The following CRPPA variants were observed in gnomAD, a reference collection of about 807,000 sequenced individuals.
CRPPA encodes the protein D-ribitol-5-phosphate cytidylyltransferase.
In CRPPA, 43 loss-of-function variants were observed where a neutral mutation model predicts 52.0. The observed-to-expected ratio is 0.83, with a 90% CI of 0.65 to 1.07. CRPPA has a LOEUF of 1.07. Among genes scored for constraint, CRPPA ranks in the 50% least tolerant of loss-of-function variants. The pLI is 0.00. For synonymous variants in CRPPA, 250 were observed against 203.5 expected (o/e 1.23, Z -1.94); for missense variants, 629 against 551.7 (o/e 1.14, Z -1.40).
intron 9 of CRPPA, among the ~76,000 whole-genome samples, chr7:16,142,741 G>A (rs1782897646): frequency 1.3e-5 from 2 of 152,092 alleles, no homozygotes; most frequent in Non-Finnish European, 2.9e-5. Flanking sequence ...TTAAAATTCT[G>A]TCCTGTGTTA....
chr7:16,159,533 T>C (rs1334448292), intron 9 of CRPPA, among the ~76,000 whole-genome samples: 2 of 152,220 alleles, frequency 1.3e-5, no homozygotes, highest in African/African-American at 2.4e-5. Flanking sequence ...GCAAAGGACA[T>C]GAACTCATTC....
At chr7:16,143,801 A>G (rs1038658810) in intron 9 of CRPPA, among the ~76,000 whole-genome samples, 2 of 152,196 alleles carry the variant, frequency 1.3e-5, no homozygotes, top group Non-Finnish European at 1.5e-5. Context: ...CCATCTGGAA[A>G]AGTATGGCAG....
chr7:16,207,800 T>G (rs371536518), intron 9 of CRPPA, among the ~76,000 whole-genome samples: 2 of 152,342 alleles, frequency 1.3e-5, no homozygotes, highest in South Asian at 2.1e-4. Flanking sequence ...TTCATTGATA[T>G]AAGTAATAGA....
chr7:16,130,488 C>A (rs1179085881), intron 9 of CRPPA, among the ~76,000 whole-genome samples: 1 of 151,818 alleles, frequency 6.6e-6, no homozygotes, highest in Non-Finnish European at 1.5e-5. Flanking sequence ...GGAAAAATTT[C>A]ATTCCTCTGT....
intron 8 of CRPPA, among the ~76,000 whole-genome samples, chr7:16,237,790 A>G (rs957946891): frequency 2.6e-5 from 4 of 152,182 alleles, no homozygotes; most frequent in Admixed American, 6.5e-5. Flanking sequence ...ACACTTTACA[A>G]TCTGCCATTC....
Position 16,216,054 on chromosome 7 carries a change from C to G in CRPPA, c.1251+12G>C. 4 of 1,568,896 alleles carry G rather than the reference C, an allele frequency of 2.5e-6. No individual in the cohort carries two copies. Among genetic ancestry groups the G allele is most frequent in the Non-Finnish European group, 3.5e-6 (4 of 1,158,800 alleles). ...ACAGAACATACATTCGGAAGATAAA[C>G]ATTTTACCTACCTGTGGGTAAGATA... On this transcript the variant is annotated intron_variant, in intron 9 of 9. Transcript: ENST00000407010.
At chr7:16,307,099 T>C (rs1157927803) in intron 4 of CRPPA, among the ~76,000 whole-genome samples, 2 of 152,180 alleles carry the variant, frequency 1.3e-5, no homozygotes, top group African/African-American at 4.8e-5. Flanking sequence ...AATATGCTTA[T>C]AGACTCAATT....
intron 9 of CRPPA, among the ~76,000 whole-genome samples, chr7:16,125,320 G>T (rs900468422): frequency 2.6e-4 from 37 of 142,528 alleles, no homozygotes; most frequent in Non-Finnish European, 4.7e-4. Flanking sequence ...CAGAATTTTT[G>T]TTCCTTTAAA....
chr7:16,294,724 A>G (rs1207607344), intron 5 of CRPPA, among the ~76,000 whole-genome samples: 3 of 152,040 alleles, frequency 2.0e-5, no homozygotes, highest in Non-Finnish European at 4.4e-5. Flanking sequence ...TACTATATAC[A>G]TAATCTTAGC....
Position 16,091,659 on chromosome 7 carries a change from T to G in CRPPA, c.*36A>C. 8.5e-7 allele frequency: 1 copy of G among 1,172,636 alleles called. No homozygotes were observed. Among genetic ancestry groups the G allele is most frequent in the Non-Finnish European group, 1.2e-6 (1 of 807,362 alleles). 72.6% of individuals were successfully genotyped at this position (1,172,636 alleles called of 1,614,324 possible). A position where few individuals can be genotyped will look rare whatever the true frequency, so the allele number is the denominator to read the frequency against. On this transcript the variant is annotated 3_prime_UTR_variant, in exon 10 of 10. Transcript: ENST00000407010. ...ACAAAGCACAATTAAGATACGCAAA[T>G]AGATGTTTTAGAAAATAGGTAATTT...
chr7:16,223,336 C>T (rs947579355), intron 8 of CRPPA, among the ~76,000 whole-genome samples: 2 of 152,156 alleles, frequency 1.3e-5, no homozygotes, highest in African/African-American at 4.8e-5. Flanking sequence ...AAACCAACTA[C>T]TTAAATTACA....
intron 9 of CRPPA, among the ~76,000 whole-genome samples, chr7:16,167,154 CTGATCTCG>C (rs922661496): frequency 5.9e-5 from 9 of 152,172 alleles, no homozygotes; most frequent in African/African-American, 2.2e-4. Flanking sequence ...TCTCGATCTC[CTGATCTCG>C]TGATCAGCCT....
intron 9 of CRPPA, among the ~76,000 whole-genome samples, chr7:16,169,938 T>C (rs894679956): frequency 1.3e-5 from 2 of 152,210 alleles, no homozygotes; most frequent in African/African-American, 4.8e-5. Flanking sequence ...GATATTCCTG[T>C]TGATATAATA....
chr7:16,146,297 A>G (rs933700031), intron 9 of CRPPA, among the ~76,000 whole-genome samples: 1 of 152,010 alleles, frequency 6.6e-6, no homozygotes, highest in African/African-American at 2.4e-5. Context: ...TTATCTCTTT[A>G]TCTCTTTATT....
chr7:16,413,678 G>C (rs1360723580), intron 1 of CRPPA, among the ~76,000 whole-genome samples: 6 of 152,042 alleles, frequency 3.9e-5, no homozygotes, highest in Admixed American at 1.3e-4. Flanking sequence ...CAAAATCTAG[G>C]ACAGCATATG....
chr7:16,356,113 A>G (rs1332211228), intron 3 of CRPPA, among the ~76,000 whole-genome samples: 1 of 150,030 alleles, frequency 6.7e-6, no homozygotes, highest in Non-Finnish European at 1.5e-5. Flanking sequence ...CAAAATCATG[A>G]AAAAAAAATG....
chr7:16,213,306 T>C (rs1425437534), intron 9 of CRPPA, among the ~76,000 whole-genome samples: 2 of 152,214 alleles, frequency 1.3e-5, no homozygotes, highest in East Asian at 1.9e-4. Flanking sequence ...AATAATATTT[T>C]ACACATAGAA....
chr7:16,349,395 G>T (rs1014113657), intron 3 of CRPPA, among the ~76,000 whole-genome samples: 3 of 152,048 alleles, frequency 2.0e-5, no homozygotes, highest in African/African-American at 7.2e-5. Flanking sequence ...CAGTGTCAAA[G>T]AAAATGAAAA....
At chr7:16,138,167 T>C (rs1384162395) in intron 9 of CRPPA, among the ~76,000 whole-genome samples, 2 of 152,212 alleles carry the variant, frequency 1.3e-5, no homozygotes, top group Non-Finnish European at 2.9e-5. Context: ...GCTTTATAGC[T>C]AAAGATATTT....
Sources: allele counts gnomAD v4.1 joint callset (sites outside exome capture counted in the v4.1 genomes callset), GRCh38; gene constraint gnomAD v4.1.1; transcripts MANE v1.5; gene names NCBI Gene and HGNC (gene_info 2026-07-23, HGNC 2026-07-21).